Variants in ENPP6 observed in about 807,000 individuals in gnomAD.
The protein encoded by ENPP6 is ectonucleotide pyrophosphatase/phosphodiesterase 6.
ENPP6 carries 32 observed loss-of-function variants against 42.0 expected under a neutral mutation model. The ratio of observed to expected loss-of-function variants is 0.76; its 90% CI spans 0.58 to 1.02. ENPP6 has a LOEUF of 1.02. Among genes scored for constraint, ENPP6 ranks in the 50% least tolerant of loss-of-function variants. ENPP6 has a pLI of 0.00. For synonymous variants in ENPP6, 213 were observed against 216.0 expected, an observed-to-expected ratio of 0.99 and a Z score of 0.12; for missense variants, 552 against 566.8, an observed-to-expected ratio of 0.97 and a Z score of 0.27.
intron 6 of ENPP6, among the ~76,000 whole-genome samples, chr4:184,098,448 C>T (rs748001638): frequency 6.6e-6 from 1 of 152,218 alleles, no homozygotes; most frequent in East Asian, 1.9e-4. Context: ...CTCAGCAAAT[C>T]CCAACTCCCT....
At chr4:184,164,083 G>A (rs565365948) in intron 1 of ENPP6, among the ~76,000 whole-genome samples, 1 of 152,314 alleles carries the variant, frequency 6.6e-6, no homozygotes, top group African/African-American at 2.4e-5. Flanking sequence ...CTGGGAGATG[G>A]TGGCTACAGT....
intron 1 of ENPP6, among the ~76,000 whole-genome samples, chr4:184,175,294 G>C (rs912301586): frequency 6.6e-6 from 1 of 152,060 alleles, no homozygotes; most frequent in Non-Finnish European, 1.5e-5. Flanking sequence ...GCCAAGATCC[G>C]CTCCCCTTAA....
rs115126931 is a variant in ENPP6 at position 184,158,625 on chromosome 4, T to G, written c.242-4892A>C. 1.2e-3 allele frequency among the ~76,000 whole-genome samples: 184 copies of G among 152,354 alleles called. 1 individual carries two copies. The highest frequency in any genetic ancestry group is 4.1e-3 in the African/African-American group (172 of 41,574). Reference sequence around the variant, plus strand: ...AGAATGCTTTGAATAGTGCTTGGCTTCTTCTTCTAGAGATATAACAAAATA... The same window carrying G: ...AGAATGCTTTGAATAGTGCTTGGCTGCTTCTTCTAGAGATATAACAAAATA... On this transcript the variant is annotated intron_variant, in intron 1 of 7. Transcript: ENST00000296741.
chr4:184,185,958 A>G (rs1732628307), intron 1 of ENPP6, among the ~76,000 whole-genome samples: 1 of 152,230 alleles, frequency 6.6e-6, no homozygotes, highest in African/African-American at 2.4e-5. Flanking sequence ...GTGGTTGTGT[A>G]GAGAATATCT....
chr4:184,113,858 T>C (rs561240112), intron 5 of ENPP6, among the ~76,000 whole-genome samples: 1 of 152,118 alleles, frequency 6.6e-6, no homozygotes, highest in Admixed American at 6.5e-5. Flanking sequence ...TATTTCTTTT[T>C]ATCTCTCTCT....
At chr4:184,159,824 C>T (rs189151181) in intron 1 of ENPP6, among the ~76,000 whole-genome samples, 1 of 152,192 alleles carries the variant, frequency 6.6e-6, no homozygotes, top group Admixed American at 6.5e-5. Flanking sequence ...TGCCATGAGT[C>T]CCCAAAGTCC....
At chr4:184,170,489 T>G (rs1737443870) in intron 1 of ENPP6, among the ~76,000 whole-genome samples, 1 of 152,056 alleles carries the variant, frequency 6.6e-6, no homozygotes, top group South Asian at 2.1e-4. Flanking sequence ...CCCATGCATT[T>G]TATTTATGTT....
At chr4:184,198,988 G>T (rs992270743) in intron 1 of ENPP6, among the ~76,000 whole-genome samples, 4 of 152,176 alleles carry the variant, frequency 2.6e-5, no homozygotes, top group Non-Finnish European at 5.9e-5. Flanking sequence ...GTGTCTCCTT[G>T]CAGGGGCTCT....
At position 184,089,528 on chromosome 4, in the gene ENPP6, T is replaced by A. The variant is rs1000491257; in HGVS notation, c.*1649A>T. 6.6e-6 allele frequency: 1 copy of A among 152,480 alleles called. No homozygotes were observed. The highest frequency in any genetic ancestry group is 2.4e-5 in the African/African-American group (1 of 41,338). 9.4% of individuals were successfully genotyped at this position (152,480 alleles called of 1,614,324 possible). On this transcript the variant is annotated 3_prime_UTR_variant, in exon 8 of 8. Transcript: ENST00000296741. ...TCTTGCTCTGTTGCCCAGGCTGGAG[T>A]GCAGTGGTGTGATCAAAGCTCACTG...
At chr4:184,191,416 G>C (rs1364866293) in intron 1 of ENPP6, among the ~76,000 whole-genome samples, 1 of 152,220 alleles carries the variant, frequency 6.6e-6, no homozygotes, top group Non-Finnish European at 1.5e-5. Flanking sequence ...CTCCCTGCTT[G>C]ACTGAATCCG....
chr4:184,182,453 G>A (rs909987616), intron 1 of ENPP6, among the ~76,000 whole-genome samples: 1 of 152,124 alleles, frequency 6.6e-6, no homozygotes. Flanking sequence ...ATAGTGTGGC[G>A]ATTCTCCAAA....
intron 1 of ENPP6, among the ~76,000 whole-genome samples, chr4:184,206,170 G>A (rs1432662455): frequency 6.6e-6 from 1 of 151,928 alleles, no homozygotes; most frequent in African/African-American, 2.4e-5. Flanking sequence ...GGAGGGCGGA[G>A]GGGACCAGGG....
chr4:184,194,156 G>GGTCAGCATCTCC (rs1270016229), intron 1 of ENPP6, among the ~76,000 whole-genome samples: 2 of 152,092 alleles, frequency 1.3e-5, no homozygotes, highest in African/African-American at 4.8e-5. Flanking sequence ...CCCACTCCTC[G>GGTCAGCATCTCC]GTCAGCATCT....
intron 6 of ENPP6, among the ~76,000 whole-genome samples, chr4:184,098,921 C>G (rs919747460): frequency 3.3e-4 from 50 of 152,172 alleles, no homozygotes; most frequent in African/African-American, 1.2e-3. Context: ...TGAGTAGAAT[C>G]AAGACCACTA....
intron 6 of ENPP6, among the ~76,000 whole-genome samples, chr4:184,100,162 G>GA (rs1407108802): frequency 5.5e-4 from 84 of 152,328 alleles, no homozygotes; most frequent in Middle Eastern, 3.4e-3. Flanking sequence ...TCTTACTGAT[G>GA]AAAAAATCAT....
At position 184,182,365 on chromosome 4, in the gene ENPP6, T is replaced by C. The variant is rs1456426525; in HGVS notation, c.242-28632A>G. On this transcript the variant is annotated intron_variant, in intron 1 of 7. Coordinates refer to ENST00000296741, the MANE Select transcript of ENPP6 (RefSeq NM_153343.4). ...TTACTAGGAGTTAAGAAACAATAGA[T>C]GCTGGGGAGGCTCTGGAGAAATAGG... is the stretch of plus-strand genomic sequence containing the variant. 2.0e-5 allele frequency among the ~76,000 whole-genome samples: 3 copies of C among 152,098 alleles called. No individual in the cohort carries two copies. The East Asian group carries it at 5.8e-4, about 29-fold the overall frequency.
chr4:184,113,368 A>G (rs1736246236), intron 5 of ENPP6, among the ~76,000 whole-genome samples: 1 of 152,102 alleles, frequency 6.6e-6, no homozygotes, highest in Non-Finnish European at 1.5e-5. Flanking sequence ...CTGTAAACGG[A>G]GGTTTTAATA....
At chr4:184,157,981 A>G (rs1737203363) in intron 1 of ENPP6, among the ~76,000 whole-genome samples, 1 of 151,926 alleles carries the variant, frequency 6.6e-6, no homozygotes, top group African/African-American at 2.4e-5. Flanking sequence ...AATCAGTCTT[A>G]ATTTTTTCTC....
chr4:184,196,905 G>A lies in ENPP6; in HGVS notation c.241+20674C>T, dbSNP rs185777657. ...GGGATCAGTCTGATGTCCCCTGAGGGAATCTCATGAGGTCAACTTTCAAGA... is the reference window on the plus strand; with the variant it reads ...GGGATCAGTCTGATGTCCCCTGAGGAAATCTCATGAGGTCAACTTTCAAGA... On this transcript the variant is annotated intron_variant, in intron 1 of 7. Transcript: ENST00000296741. 2.6e-5 allele frequency among the ~76,000 whole-genome samples: 4 copies of A among 152,324 alleles called. No homozygotes were observed. The East Asian group carries it at 7.7e-4, about 29-fold the overall frequency.
Sources: gnomAD v4.1 joint callset for allele counts (sites outside exome capture counted in the v4.1 genomes callset) on GRCh38, gnomAD v4.1.1 for gene constraint, MANE v1.5 for transcripts, NCBI Gene and HGNC (gene_info 2026-07-23, HGNC 2026-07-21) for gene names.